Variants in RAP1GDS1 observed in about 807,000 individuals in gnomAD.
RAP1GDS1 encodes RAP1, GTP-GDP dissociation stimulator 1.
In RAP1GDS1, 35 loss-of-function variants were observed where a neutral mutation model predicts 71.1. The observed-to-expected ratio is 0.49, with a 90% CI of 0.38 to 0.65. RAP1GDS1 has a LOEUF of 0.65. Among genes scored for constraint, RAP1GDS1 ranks in the 30% least tolerant of loss-of-function variants. The probability of loss-of-function intolerance (pLI) is 0.00; values close to 1 mark genes in which losing one functional copy is unlikely to be tolerated. For synonymous variants in RAP1GDS1, 229 were observed against 243.1 expected, an observed-to-expected ratio of 0.94 and a Z score of 0.54; for missense variants, 663 against 706.1, an observed-to-expected ratio of 0.94 and a Z score of 0.69.
intron 5 of RAP1GDS1, among the ~76,000 whole-genome samples, chr4:98,388,051 A>G (rs555719809): frequency 6.6e-6 from 1 of 152,346 alleles, no homozygotes; most frequent in African/African-American, 2.4e-5. Flanking sequence ...TTCTTTGGGC[A>G]ATAAAAAAGA....
rs1305969359 is a variant in RAP1GDS1, at chr4:98,443,018, T to TTTTTTTCTTTTTTTTTTC, written c.*907_*908insCTTTTTTTTTTCTTTTTT. 7 of 184,254 alleles carry TTTTTTTCTTTTTTTTTTC rather than the reference T, an allele frequency of 3.8e-5. No individual in the cohort carries two copies. The highest frequency in any genetic ancestry group is 1.6e-4 in the African/African-American group (6 of 36,508). The allele number at this position is 184,254 out of a possible 1,614,324, so 11.4% of individuals were successfully genotyped here. The stretch of plus-strand genomic sequence containing the variant: ...GTATAGTTCATTGAAGAATGGAATT[T>TTTTTTTCTTTTTTTTTTC]TTTTTTTTTTTTTTTTTTTTGCTGT... On this transcript the variant is annotated 3_prime_UTR_variant, in exon 15 of 15. Transcript: ENST00000408927.
intron 6 of RAP1GDS1, among the ~76,000 whole-genome samples, chr4:98,395,067 A>G (rs961085759): frequency 2.6e-5 from 4 of 152,136 alleles, no homozygotes; most frequent in East Asian, 1.9e-4. Context: ...TAGGATTTCT[A>G]TTATTCATAA....
intron 14 of RAP1GDS1, among the ~76,000 whole-genome samples, chr4:98,439,645 A>G (rs1450741346): frequency 6.6e-6 from 1 of 151,998 alleles, no homozygotes; most frequent in Admixed American, 6.5e-5. Context: ...AGTAATTTCT[A>G]TTGTTTTATC....
chr4:98,312,072 G>A (rs910180932), intron 2 of RAP1GDS1, among the ~76,000 whole-genome samples: 5 of 152,186 alleles, frequency 3.3e-5, no homozygotes, highest in Admixed American at 6.5e-5. Context: ...GCAGTGAGGA[G>A]ATAGATGATT....
intron 1 of RAP1GDS1, among the ~76,000 whole-genome samples, chr4:98,270,367 T>C (rs1247173836): frequency 6.6e-6 from 1 of 152,204 alleles, no homozygotes; most frequent in Non-Finnish European, 1.5e-5. Flanking sequence ...ATCATTGGTA[T>C]CTTAAATATA....
Position 98,269,361 on chromosome 4 carries a change from A to C in RAP1GDS1, c.4+7792A>C, listed in dbSNP as rs77169060. ...AACAAAAGATTTGAATTTGAAAAGCATAAGATGCGCGCAAGAAAATACTGG... is the reference window on the plus strand; with the variant it reads ...AACAAAAGATTTGAATTTGAAAAGCCTAAGATGCGCGCAAGAAAATACTGG... On this transcript the variant is annotated intron_variant, in intron 1 of 14. Transcript: ENST00000408927. Among the ~76,000 whole-genome samples, 4 of 152,240 alleles carry C rather than the reference A, an allele frequency of 2.6e-5. No homozygotes were observed. The South Asian group carries it at 8.3e-4, about 32-fold the overall frequency.
chr4:98,281,788 T>A (rs1182376050), intron 1 of RAP1GDS1, among the ~76,000 whole-genome samples: 1 of 152,346 alleles, frequency 6.6e-6, no homozygotes, highest in African/African-American at 2.4e-5. Context: ...TTTCCATCAA[T>A]ACCTAGTTTA....
chr4:98,395,311 A>G (rs1367211364), intron 6 of RAP1GDS1, among the ~76,000 whole-genome samples: 1 of 152,218 alleles, frequency 6.6e-6, no homozygotes, highest in African/African-American at 2.4e-5. Flanking sequence ...TTAGGCAATT[A>G]AAAATTTTAA....
In RAP1GDS1 at chr4:98,437,025, C is replaced by G; in HGVS notation, c.1653C>G (p.Ile551Met). Residue 551 changes from isoleucine to methionine, a missense_variant, in exon 14 of 15, where the codon ATC (isoleucine) becomes ATG (methionine). Transcript: ENST00000408927. ...CAGATGAGAGAAGTGCTCCTGAAAT[C>G]AAATATAATTCCATGGTCCTGATAT... is the stretch of plus-strand genomic sequence containing the variant. ...LLADERSAPE[I>M]KYNSMVLICA... The G allele has an allele frequency of 6.2e-7, 1 of 1,612,458 alleles. No homozygotes were observed. The highest frequency in any genetic ancestry group is 2.2e-5 in the East Asian group (1 of 44,728).
intron 6 of RAP1GDS1, among the ~76,000 whole-genome samples, chr4:98,397,351 T>G (rs1744694174): frequency 6.6e-6 from 1 of 152,104 alleles, no homozygotes; most frequent in African/African-American, 2.4e-5. Context: ...AACCCTTCAG[T>G]AAAGAGATTT....
At chr4:98,272,388 C>T (rs1372216318) in intron 1 of RAP1GDS1, among the ~76,000 whole-genome samples, 1 of 152,136 alleles carries the variant, frequency 6.6e-6, no homozygotes, top group Non-Finnish European at 1.5e-5. Context: ...GAAGCATTTT[C>T]CCTCCTAAAA....
At chr4:98,352,336 C>T in intron 3 of RAP1GDS1, 140 bp from the exon 4 acceptor site, 1 of 837,006 alleles carries the variant, frequency 1.2e-6, no homozygotes, top group South Asian at 1.9e-5. Context: ...CAGAAATGTA[C>T]TCTTCAAATA....
Position 98,341,471 on chromosome 4 carries a change from A to G in RAP1GDS1, c.113-1668A>G, listed in dbSNP as rs185884289. On this transcript the variant is annotated intron_variant, in intron 2 of 14. Coordinates refer to ENST00000408927, the MANE Select transcript of RAP1GDS1 (RefSeq NM_001100427.2). ...TTAGTTACAGTTAAATGAGACATGC[A>G]TGGGTGATTTGCAGTTAACTGCTCG... 3.3e-5 allele frequency among the ~76,000 whole-genome samples: 5 copies of G among 152,306 alleles called. No homozygotes were observed. In the East Asian group the frequency reaches 9.7e-4, roughly 29 times the overall value.
At chr4:98,348,392 GT>G (rs1252434687) in intron 3 of RAP1GDS1, among the ~76,000 whole-genome samples, 9 of 152,188 alleles carry the variant, frequency 5.9e-5, no homozygotes, top group African/African-American at 2.2e-4. Flanking sequence ...TTGGTTCCAA[GT>G]TTTTGCTATT....
At chr4:98,366,997 G>A (rs566649954) in intron 4 of RAP1GDS1, among the ~76,000 whole-genome samples, 9 of 152,174 alleles carry the variant, frequency 5.9e-5, no homozygotes, top group South Asian at 2.1e-4. Flanking sequence ...AGGAGGAACC[G>A]AATGTTAATC....
intron 2 of RAP1GDS1, among the ~76,000 whole-genome samples, chr4:98,324,881 A>T (rs1214561184): frequency 6.6e-6 from 1 of 152,168 alleles, no homozygotes; most frequent in Non-Finnish European, 1.5e-5. Context: ...CATGTCCAAA[A>T]CACCAAAAGC....
intron 2 of RAP1GDS1, among the ~76,000 whole-genome samples, chr4:98,317,425 C>A (rs1397499082): frequency 2.6e-5 from 4 of 152,134 alleles, no homozygotes; most frequent in Non-Finnish European, 5.9e-5. Context: ...GTTTTTAGAA[C>A]ACAAACATCT....
At chr4:98,328,136 T>TG (rs1306817889) in intron 2 of RAP1GDS1, among the ~76,000 whole-genome samples, 2 of 152,200 alleles carry the variant, frequency 1.3e-5, no homozygotes, top group African/African-American at 2.4e-5. Flanking sequence ...TTTATGTATA[T>TG]GGGGTCTCAA....
intron 2 of RAP1GDS1, among the ~76,000 whole-genome samples, chr4:98,312,394 G>T (rs1231936362): frequency 1.3e-5 from 2 of 151,974 alleles, no homozygotes; most frequent in African/African-American, 4.8e-5. Context: ...GCTGCTCATT[G>T]GTCCTATTTC....
Sources: allele counts gnomAD v4.1 joint callset (sites outside exome capture counted in the v4.1 genomes callset), GRCh38; gene constraint gnomAD v4.1.1; transcripts MANE v1.5; gene names NCBI Gene and HGNC (gene_info 2026-07-23, HGNC 2026-07-21).